THEM4: variants seen among roughly 807,000 people sequenced by gnomAD.
THEM4 encodes the protein acyl-coenzyme A thioesterase THEM4.
A neutral mutation model predicts 25.0 loss-of-function variants in THEM4; 22 were observed. That is an observed-to-expected ratio of 0.88 (90% confidence interval 0.63 to 1.26). The LOEUF (loss-of-function observed/expected upper bound fraction) is 1.26, where lower values mean the gene tolerates loss of function less well. Ranked by LOEUF, THEM4 falls within the 50% of genes most tolerant of loss-of-function variation. The probability of loss-of-function intolerance (pLI) is 0.00; values close to 1 mark genes in which losing one functional copy is unlikely to be tolerated. For missense variants in THEM4, 286 were observed against 300.3 expected (o/e 0.95, Z 0.35); for synonymous variants, 113 against 105.6 (o/e 1.07, Z -0.43).
intron 4 of THEM4, among the ~76,000 whole-genome samples, chr1:151,887,137 A>G (rs915623596): frequency 9.2e-5 from 14 of 152,196 alleles, no homozygotes; most frequent in African/African-American, 3.1e-4. Flanking sequence ...GAAATTAAGA[A>G]AACAATTAAG....
chr1:151,873,403 TTA>T lies in THEM4; in HGVS notation c.*1483_*1484del, dbSNP rs1189859696. On this transcript the variant is annotated 3_prime_UTR_variant, in exon 6 of 6. Transcript: ENST00000368814. The stretch of plus-strand genomic sequence containing the variant: ...GTCCCCTGGGCCCAGGGTTCTTTCT[TTA>T]TACTTTGTCTCTGTGCCTTATTTCT... Among the ~76,000 whole-genome samples, 3 of 152,120 alleles carry T rather than the reference TTA, an allele frequency of 2.0e-5. No homozygotes were observed. Among genetic ancestry groups the T allele is most frequent in the Non-Finnish European group, 4.4e-5 (3 of 68,018 alleles).
At chr1:151,896,078 C>T (rs1182963325) in intron 1 of THEM4, among the ~76,000 whole-genome samples, 1 of 151,140 alleles carries the variant, frequency 6.6e-6, no homozygotes, top group Non-Finnish European at 1.5e-5. Context: ...CTGCAACCTC[C>T]ACCTCCTGGG....
chr1:151,874,364 G>GTTT lies in THEM4; in HGVS notation c.*521_*523dup, dbSNP rs34578595. ...GGTAACATATCCTAAGGAGACAAGA[G>GTTT]TTTTTTTTTTTTGTTTGTTTGTTTG... On this transcript the variant is annotated 3_prime_UTR_variant, in exon 6 of 6. Transcript: ENST00000368814. The GTTT allele has an allele frequency of 2.1e-5, 3 of 146,022 alleles. No homozygotes were observed. The highest frequency in any genetic ancestry group is 3.0e-5 in the Non-Finnish European group (2 of 66,652). The allele number at this position is 146,022 out of a possible 1,614,324, so 9.0% of individuals were successfully genotyped here.
intron 1 of THEM4, among the ~76,000 whole-genome samples, chr1:151,902,985 C>T (rs1654383481): frequency 6.6e-6 from 1 of 152,162 alleles, no homozygotes; most frequent in South Asian, 2.1e-4. Context: ...GAGATTCTGT[C>T]TCAAAAACAA....
chr1:151,878,891 T>TACACACACACAC (rs55900104), intron 4 of THEM4, among the ~76,000 whole-genome samples: 260 of 138,620 alleles, frequency 1.9e-3, no homozygotes, highest in African/African-American at 6.4e-3. Flanking sequence ...TATATGTCTA[T>TACACACACACAC]ACACACACAC....
intron 1 of THEM4, among the ~76,000 whole-genome samples, chr1:151,902,398 T>C (rs183611208): frequency 6.6e-6 from 1 of 152,080 alleles, no homozygotes; most frequent in Non-Finnish European, 1.5e-5. Flanking sequence ...AACTCAGGAA[T>C]GGAAAACCAA....
At chr1:151,905,186 A>T (rs1055140799) in intron 1 of THEM4, among the ~76,000 whole-genome samples, 7 of 152,232 alleles carry the variant, frequency 4.6e-5, no homozygotes, top group Non-Finnish European at 8.8e-5. Flanking sequence ...CTGGGAGAAC[A>T]GGGTGGAGCC....
intron 4 of THEM4, among the ~76,000 whole-genome samples, chr1:151,881,600 C>T (rs4845388): frequency 0.92 from 139,302 of 152,224 alleles, 63,742 homozygotes; most frequent in East Asian, 0.95. Flanking sequence ...GATTTTAGAT[C>T]GACATTTTCT....
At chr1:151,896,440 C>A (rs1328043515) in intron 1 of THEM4, among the ~76,000 whole-genome samples, 4 of 152,134 alleles carry the variant, frequency 2.6e-5, no homozygotes, top group Non-Finnish European at 5.9e-5. Flanking sequence ...AATGTGAGAA[C>A]AGCCTAATGC....
intron 4 of THEM4, among the ~76,000 whole-genome samples, chr1:151,887,767 C>T (rs998649504): frequency 7.2e-5 from 11 of 152,090 alleles, no homozygotes; most frequent in African/African-American, 2.4e-4. Context: ...GGACTACAGA[C>T]GTGCACTGCT....
chr1:151,907,032 C>A lies in THEM4; in HGVS notation c.99+2328G>T, dbSNP rs534097737. Among the ~76,000 whole-genome samples, 11 of 152,290 alleles carry A rather than the reference C, an allele frequency of 7.2e-5. No individual in the cohort carries two copies. In the East Asian group the frequency reaches 1.9e-3, roughly 27 times the overall value. On this transcript the variant is annotated intron_variant, in intron 1 of 5. Coordinates refer to ENST00000368814, the MANE Select transcript of THEM4 (RefSeq NM_053055.5). ...TGTTCTTTCGCTCTTTGCAATAAAT[C>A]TTGCTGCTGCTCACTCTTTGGGTCC...
In THEM4 at chr1:151,889,318, G is replaced by C. The variant is rs752738067; in HGVS notation, c.342C>G (p.Ser114Arg). The change falls in exon 3 of 6, where the codon AGC becomes AGG. Residue 114 changes from serine (S) to arginine (R), a missense_variant. Ser to Arg is a moderately radical substitution (Grantham distance 110, BLOSUM62 -1). Coordinates refer to ENST00000368814, the MANE Select transcript of THEM4 (RefSeq NM_053055.5). ...QMSQAQLFTR[S>R]FDDGLGFEYV... is the part of the protein sequence containing the mutation. The stretch of plus-strand genomic sequence containing the variant: ...ATTCAAAGCCCAGGCCATCATCAAA[G>C]CTTCTGGTGAAGAGCTGGGCCTGTG... 7 of 1,613,932 alleles carry C rather than the reference G, an allele frequency of 4.3e-6. No individual in the cohort carries two copies. The highest frequency in any genetic ancestry group is 2.2e-5 in the South Asian group (2 of 91,060).
intron 1 of THEM4, among the ~76,000 whole-genome samples, chr1:151,896,641 C>T (rs1654232955): frequency 6.6e-6 from 1 of 152,156 alleles, no homozygotes; most frequent in African/African-American, 2.4e-5. Flanking sequence ...AGCTAACTGG[C>T]TTGAATTGTA....
At chr1:151,893,710 G>A (rs533333370) in intron 2 of THEM4, among the ~76,000 whole-genome samples, 2 of 152,244 alleles carry the variant, frequency 1.3e-5, no homozygotes, top group East Asian at 3.9e-4. Flanking sequence ...GATAGGAAGC[G>A]AGACCAACTG....
chr1:151,897,946 T>A (rs1429556513), intron 1 of THEM4, among the ~76,000 whole-genome samples: 3 of 152,142 alleles, frequency 2.0e-5, no homozygotes, highest in Non-Finnish European at 4.4e-5. Flanking sequence ...GGGAGCTCAC[T>A]GGGTCCCCAA....
chr1:151,905,392 T>C (rs774907179), intron 1 of THEM4, among the ~76,000 whole-genome samples: 8 of 152,254 alleles, frequency 5.3e-5, no homozygotes, highest in Admixed American at 2.6e-4. Context: ...CTTAGATGAA[T>C]TGAGAAGAAA....
chr1:151,901,324 C>G (rs2101730442), intron 1 of THEM4, among the ~76,000 whole-genome samples: 1 of 152,322 alleles, frequency 6.6e-6, no homozygotes. Flanking sequence ...TGGATTTAAA[C>G]TATACCTTGG....
At chr1:151,895,846 CCTCATGATAGTGAGTT>C (rs1553300885) in intron 1 of THEM4, among the ~76,000 whole-genome samples, 1 of 152,074 alleles carries the variant, frequency 6.6e-6, no homozygotes, top group Non-Finnish European at 1.5e-5. Flanking sequence ...TCGGTACTGT[CCTCATGATAGTGAGTT>C]CTCATGAGAT....
At chr1:151,884,508 T>G (rs1022417485) in intron 4 of THEM4, among the ~76,000 whole-genome samples, 1 of 152,298 alleles carries the variant, frequency 6.6e-6, no homozygotes, top group South Asian at 2.1e-4. Context: ...CCACAGCTTT[T>G]GAGTTTCTAG....
Sources: gnomAD v4.1 joint callset for allele counts (sites outside exome capture counted in the v4.1 genomes callset) on GRCh38, gnomAD v4.1.1 for gene constraint, MANE v1.5 for transcripts, NCBI Gene and HGNC (gene_info 2026-07-23, HGNC 2026-07-21) for gene names.